Variants in PRIM2 observed in about 807,000 individuals in gnomAD.
PRIM2 encodes DNA primase large subunit.
A neutral mutation model predicts 67.3 loss-of-function variants in PRIM2; 39 were observed. The observed-to-expected ratio is 0.58, with a 90% CI of 0.45 to 0.76. The LOEUF (loss-of-function observed/expected upper bound fraction) is 0.76. Ranked by LOEUF, PRIM2 falls within the 30% of genes least tolerant of loss-of-function variation. PRIM2 has a pLI of 0.00. For missense variants in PRIM2, 398 were observed against 598.7 expected, an observed-to-expected ratio of 0.66 and a Z score of 3.50; for synonymous variants, 143 against 198.7, an observed-to-expected ratio of 0.72 and a Z score of 2.36.
At chr6:57,477,852 G>A (rs1423222950) in intron 7 of PRIM2, among the ~76,000 whole-genome samples, 12 of 152,228 alleles carry the variant, frequency 7.9e-5, no homozygotes, top group African/African-American at 2.9e-4. Context: ...TTTTTAAAAA[G>A]TATTATAACC....
chr6:57,466,932 C>A (rs1412207999), intron 7 of PRIM2, among the ~76,000 whole-genome samples: 1 of 151,962 alleles, frequency 6.6e-6, no homozygotes, highest in African/African-American at 2.4e-5. Context: ...ACCAGCCTGA[C>A]CAAATGGAGA....
At chr6:57,423,672 A>C (rs1771532164) in intron 7 of PRIM2, among the ~76,000 whole-genome samples, 1 of 152,240 alleles carries the variant, frequency 6.6e-6, no homozygotes, top group Non-Finnish European at 1.5e-5. Context: ...GAAGTAGCCA[A>C]TTAAACTTGG....
intron 7 of PRIM2, among the ~76,000 whole-genome samples, chr6:57,401,081 T>G (rs1329491674): frequency 2.0e-5 from 3 of 152,208 alleles, no homozygotes; most frequent in Non-Finnish European, 4.4e-5. Flanking sequence ...TGTCCATATT[T>G]TGAACTTTAT....
chr6:57,226,601 A>G, the PRIM2 span, among the ~76,000 whole-genome samples: 7 of 152,224 alleles, frequency 4.6e-5, no homozygotes, highest in Admixed American at 4.6e-4. Context: ...TTGGGAAGCC[A>G]TTGGAGGATT....
chr6:57,577,763 A>G (rs1408601551), intron 10 of PRIM2, among the ~76,000 whole-genome samples: 26 of 152,154 alleles, frequency 1.7e-4, no homozygotes, highest in African/African-American at 5.8e-4. Context: ...GTTTAGATTA[A>G]TGGAAAGTTA....
chr6:57,427,510 G>GT (rs1398531307), intron 7 of PRIM2, among the ~76,000 whole-genome samples: 1 of 152,118 alleles, frequency 6.6e-6, no homozygotes, highest in Non-Finnish European at 1.5e-5. Context: ...TGAGGACGGA[G>GT]TTTCACCATG....
chr6:57,332,544 T>A (rs754057858), intron 5 of PRIM2, among the ~76,000 whole-genome samples: 1 of 152,198 alleles, frequency 6.6e-6, no homozygotes, highest in Non-Finnish European at 1.5e-5. Context: ...TTTGGGGCTC[T>A]CTTGTTAGTT....
intron 5 of PRIM2, among the ~76,000 whole-genome samples, chr6:57,326,593 C>T (rs1045166586): frequency 2.0e-5 from 3 of 151,868 alleles, no homozygotes; most frequent in African/African-American, 7.3e-5. Context: ...TGGTGCTGCG[C>T]GTCCATAATT....
intron 7 of PRIM2, among the ~76,000 whole-genome samples, chr6:57,439,776 T>C (rs1254734184): frequency 2.6e-5 from 4 of 152,190 alleles, no homozygotes; most frequent in East Asian, 3.8e-4. Flanking sequence ...ATGTAAAATA[T>C]GTTTAAAGCA....
At chr6:57,565,311 GA>G (rs1775716656) in intron 10 of PRIM2, among the ~76,000 whole-genome samples, 1 of 147,840 alleles carries the variant, frequency 6.8e-6, no homozygotes, top group Non-Finnish European at 1.5e-5. Context: ...AGCTATTTTT[GA>G]AGCAAGTTTC....
chr6:57,392,213 C>G (rs949492622), intron 7 of PRIM2, among the ~76,000 whole-genome samples: 1 of 152,000 alleles, frequency 6.6e-6, no homozygotes, highest in African/African-American at 2.4e-5. Context: ...CGATTTCGTT[C>G]ATTGATTTTG....
intron 12 of PRIM2, among the ~76,000 whole-genome samples, chr6:57,615,043 G>A (rs1173149435): frequency 4.6e-5 from 7 of 152,094 alleles, no homozygotes; most frequent in Non-Finnish European, 8.8e-5. Flanking sequence ...AAACACTTTT[G>A]TTTTTTAGCT....
intron 7 of PRIM2, among the ~76,000 whole-genome samples, chr6:57,471,441 T>A (rs1304501594): frequency 6.6e-6 from 1 of 151,268 alleles, no homozygotes; most frequent in Non-Finnish European, 1.5e-5. Flanking sequence ...GGCAGAAAAA[T>A]TAGTAATAAA....
chr6:57,462,862 G>A (rs1458640419), intron 7 of PRIM2, among the ~76,000 whole-genome samples: 1 of 152,144 alleles, frequency 6.6e-6, no homozygotes, highest in Non-Finnish European at 1.5e-5. Context: ...AAAAAAGGAA[G>A]CTTCCAGTTA....
At chr6:57,505,880 C>G (rs1203413967) in intron 7 of PRIM2, among the ~76,000 whole-genome samples, 2 of 152,044 alleles carry the variant, frequency 1.3e-5, no homozygotes, top group South Asian at 2.1e-4. Flanking sequence ...TCTGTCTGCT[C>G]TGTTTTCAGA....
intron 5 of PRIM2, among the ~76,000 whole-genome samples, chr6:57,327,326 C>T (rs545719129): frequency 2.8e-4 from 43 of 152,198 alleles, no homozygotes; most frequent in African/African-American, 8.7e-4. Context: ...TGTTGGAATG[C>T]GTGGCTTAAA....
At chr6:57,312,576 A>G (rs571878904), upstream of PRIM2, among the ~76,000 whole-genome samples, 12 of 152,306 alleles carry the variant, frequency 7.9e-5, no homozygotes, top group South Asian at 2.5e-3. Flanking sequence ...AAAATGATCA[A>G]TCTTTCTCTT....
intron 13 of PRIM2, among the ~76,000 whole-genome samples, chr6:57,643,248 T>A (rs1403856275): frequency 2.6e-5 from 4 of 152,212 alleles, no homozygotes; most frequent in African/African-American, 9.6e-5. Context: ...TAGGTTATTT[T>A]TGCATGAAAT....
chr6:57,608,521 C>T (rs1776601559), intron 12 of PRIM2, among the ~76,000 whole-genome samples: 1 of 151,902 alleles, frequency 6.6e-6, no homozygotes, highest in South Asian at 2.1e-4. Context: ...ATTGCTGAGC[C>T]CAGGCATTCA....
Sources: allele counts gnomAD v4.1 joint callset (sites outside exome capture counted in the v4.1 genomes callset), GRCh38; gene constraint gnomAD v4.1.1; transcripts MANE v1.5; gene names NCBI Gene and HGNC (gene_info 2026-07-23, HGNC 2026-07-21).